MYT1L: variants seen among roughly 807,000 people sequenced by gnomAD.
MYT1L encodes the protein myelin transcription factor 1-like protein.
In MYT1L, 12 loss-of-function variants were observed where a neutral mutation model predicts 126.7. The observed-to-expected ratio is 0.09, with a 90% CI of 0.06 to 0.15. The LOEUF (loss-of-function observed/expected upper bound fraction) is 0.15, where lower values mean the gene tolerates loss of function less well. Ranked by LOEUF, MYT1L falls within the 10% of genes least tolerant of loss-of-function variation. The probability of loss-of-function intolerance (pLI) is 1.00; values close to 1 mark genes in which losing one functional copy is unlikely to be tolerated. For synonymous variants in MYT1L, 541 were observed against 604.2 expected, an observed-to-expected ratio of 0.90 and a Z score of 1.53; for missense variants, 979 against 1,585.2, an observed-to-expected ratio of 0.62 and a Z score of 6.49.
At chr2:1,902,243 A>G (rs2050443476) in intron 14 of MYT1L, among the ~76,000 whole-genome samples, 1 of 152,258 alleles carries the variant, frequency 6.6e-6, no homozygotes, top group African/African-American at 2.4e-5. Context: ...TACTCTAGGT[A>G]GTGGTTCAAA....
intron 1 of MYT1L, chr2:2,326,387 C>A (rs1218248259): frequency 6.6e-6 from 1 of 152,194 alleles, no homozygotes; most frequent in Non-Finnish European, 1.5e-5. Context: ...CCGAGCTCTT[C>A]CCTGATGTGT....
chr2:2,303,788 A>G (rs2095820312), intron 1 of MYT1L: 1 of 152,244 alleles, frequency 6.6e-6, no homozygotes, highest in Non-Finnish European at 1.5e-5. Context: ...GTGTTATAAT[A>G]GAAACCATTG....
At chr2:1,839,974 C>A (rs1403541190) in intron 20 of MYT1L, among the ~76,000 whole-genome samples, 1 of 152,130 alleles carries the variant, frequency 6.6e-6, no homozygotes, top group African/African-American at 2.4e-5. Context: ...ATGGCAGGAC[C>A]AAGACACACA....
At chr2:2,163,663 C>CG (rs2088448166) in intron 3 of MYT1L, among the ~76,000 whole-genome samples, 1 of 150,038 alleles carries the variant, frequency 6.7e-6, no homozygotes, top group African/African-American at 2.4e-5. Flanking sequence ...ACCCAGGAGG[C>CG]GGGGCTTGCA....
chr2:1,898,839 G>A (rs760986713), intron 14 of MYT1L, among the ~76,000 whole-genome samples: 13 of 152,204 alleles, frequency 8.5e-5, no homozygotes, highest in South Asian at 2.1e-4. Context: ...GCAGGCGGGC[G>A]TGGTGGGGCT....
In MYT1L at chr2:2,213,619, G is replaced by A. The variant is rs539769294; in HGVS notation, c.-420-40631C>T. Among the ~76,000 whole-genome samples the A allele has an allele frequency of 6.6e-5, 10 of 152,282 alleles. No individual in the cohort carries two copies. In the South Asian group the frequency reaches 2.1e-3, roughly 32 times the overall value. On this transcript the variant is annotated intron_variant, in intron 2 of 24. Coordinates refer to ENST00000647738, the MANE Select transcript of MYT1L (RefSeq NM_001303052.2). ...GTGCCTTCAGCAGAGCACTCAGAAG[G>A]CCTCAACTTAATAGCAGAGAATAAT... is the stretch of plus-strand genomic sequence containing the variant.
rs2050864570 is a variant in MYT1L at position 1,905,040 on chromosome 2, C to T, written c.1818-1746G>A. 2.0e-5 allele frequency among the ~76,000 whole-genome samples: 3 copies of T among 152,016 alleles called. No individual in the cohort carries two copies. In the South Asian group the frequency reaches 6.2e-4, roughly 31 times the overall value. ...CTCGATCTCCTGACCTCGTGATCCA[C>T]CCACCGCCTGGCTAAGTTTTGTATT... On this transcript the variant is annotated intron_variant, in intron 13 of 24. Transcript: ENST00000647738.
Position 1,790,947 on chromosome 2 carries a change from T to C in MYT1L, c.*920A>G, listed in dbSNP as rs1022290641. On this transcript the variant is annotated 3_prime_UTR_variant, in exon 25 of 25. Transcript: ENST00000647738. ...TAAACTACATTGCAATAACAGACAGTTCAGAGGGGCACGAAACTCTAGGGG... is the reference window on the plus strand; with the variant it reads ...TAAACTACATTGCAATAACAGACAGCTCAGAGGGGCACGAAACTCTAGGGG... The C allele has an allele frequency of 3.9e-6, 1 of 253,410 alleles. No individual in the cohort carries two copies. Among genetic ancestry groups the C allele is most frequent in the South Asian group, 4.6e-5 (1 of 21,656 alleles). 15.7% of individuals were successfully genotyped at this position (253,410 alleles called of 1,614,324 possible).
intron 2 of MYT1L, among the ~76,000 whole-genome samples, chr2:2,216,057 C>G (rs1171737726): frequency 1.0e-5 from 1 of 98,712 alleles, no homozygotes; most frequent in East Asian, 2.4e-4. Context: ...CTCTCTCTCT[C>G]TCTCTCTCAG....
chr2:1,840,955 G>C lies in MYT1L; in HGVS notation c.2775-112C>G, dbSNP rs1244985502. 10 of 699,988 alleles carry C rather than the reference G, an allele frequency of 1.4e-5. No homozygotes were observed. The Admixed American group carries it at 2.2e-4, about 15-fold the overall frequency. 43.4% of individuals were successfully genotyped at this position (699,988 alleles called of 1,614,324 possible). A position where few individuals can be genotyped will look rare whatever the true frequency, so the allele number is the denominator to read the frequency against. ...GTCTCACTCTGTCACCCAGGCTGAA[G>C]TGCAGTGGTGTGATCTCGGCTCACT... is the stretch of plus-strand genomic sequence containing the variant. On this transcript the variant is annotated intron_variant, in intron 19 of 24. Transcript: ENST00000647738.
intron 2 of MYT1L, among the ~76,000 whole-genome samples, chr2:2,206,284 T>C (rs1388049534): frequency 6.6e-6 from 1 of 151,882 alleles, no homozygotes. Context: ...GGCCAAGCTG[T>C]ACCATACTTT....
chr2:2,109,098 A>C (rs1201582697), intron 3 of MYT1L, among the ~76,000 whole-genome samples: 3 of 152,272 alleles, frequency 2.0e-5, no homozygotes, highest in African/African-American at 7.2e-5. Flanking sequence ...CACTGAGGTC[A>C]AAACTGTCCT....
intron 9 of MYT1L, among the ~76,000 whole-genome samples, chr2:1,942,427 G>A (rs571401648): frequency 1.4e-4 from 22 of 152,134 alleles, no homozygotes; most frequent in African/African-American, 3.4e-4. Flanking sequence ...GCAGATGACC[G>A]GCTGATTATC....
intron 4 of MYT1L, among the ~76,000 whole-genome samples, chr2:2,005,117 T>A (rs2063083283): frequency 6.7e-6 from 1 of 150,344 alleles, no homozygotes; most frequent in South Asian, 2.1e-4. Flanking sequence ...CTTTCCTGCT[T>A]GCCTTCTTTC....
chr2:1,847,977 C>T (rs747705618), intron 19 of MYT1L, among the ~76,000 whole-genome samples: 29 of 152,204 alleles, frequency 1.9e-4, no homozygotes, highest in Admixed American at 7.2e-4. Flanking sequence ...ATCCTAGGCT[C>T]ATGGGGCTGC....
intron 2 of MYT1L, among the ~76,000 whole-genome samples, chr2:2,256,352 T>A (rs906786045): frequency 1.3e-5 from 2 of 152,250 alleles, no homozygotes; most frequent in Non-Finnish European, 2.9e-5. Context: ...GATCAGCAGT[T>A]GTCCAACTGT....
intron 3 of MYT1L, among the ~76,000 whole-genome samples, chr2:2,068,730 T>G (rs1357954692): frequency 2.1e-5 from 2 of 95,546 alleles, no homozygotes; most frequent in Non-Finnish European, 4.4e-5. Context: ...AATACTGGCT[T>G]TTTTTTTTTT....
At chr2:2,321,587 A>G (rs997910523) in intron 1 of MYT1L, among the ~76,000 whole-genome samples, 6 of 152,262 alleles carry the variant, frequency 3.9e-5, no homozygotes, top group Admixed American at 2.0e-4. Context: ...TTGAAAAACC[A>G]TTCTGTTGAG....
At chr2:2,041,434 AGCT>A (rs1414176831) in intron 4 of MYT1L, among the ~76,000 whole-genome samples, 1 of 152,212 alleles carries the variant, frequency 6.6e-6, no homozygotes, top group East Asian at 1.9e-4. Flanking sequence ...GCCGCCCAAG[AGCT>A]GCTCAGTGCT....
Sources: gnomAD v4.1 joint callset for allele counts (sites outside exome capture counted in the v4.1 genomes callset) on GRCh38, gnomAD v4.1.1 for gene constraint, MANE v1.5 for transcripts, NCBI Gene and HGNC (gene_info 2026-07-23, HGNC 2026-07-21) for gene names.